Variants in ZNF362 observed in about 807,000 individuals in gnomAD.
ZNF362 encodes the protein zinc finger protein 362.
Under a neutral mutation model 42.9 loss-of-function variants are expected in ZNF362, and 11 were observed. The observed-to-expected ratio is 0.26, with a 90% CI of 0.16 to 0.42. The LOEUF (loss-of-function observed/expected upper bound fraction) is 0.42, where lower values mean the gene tolerates loss of function less well. Among genes scored for constraint, ZNF362 ranks in the 20% least tolerant of loss-of-function variants. The probability of loss-of-function intolerance (pLI) is 1.00; values close to 1 mark genes in which losing one functional copy is unlikely to be tolerated. For synonymous variants in ZNF362, 255 were observed against 257.3 expected (o/e 0.99, Z 0.09); for missense variants, 362 against 576.2 (o/e 0.63, Z 3.81).
chr1:33,133,655 C>T, the ZNF362 span, among the ~76,000 whole-genome samples: 26 of 152,308 alleles, frequency 1.7e-4, no homozygotes, highest in East Asian at 2.3e-3. Context: ...AAGCCACCCA[C>T]GTCTGGCCAA....
At chr1:33,235,058 A>T in the ZNF362 span, among the ~76,000 whole-genome samples, 1 of 152,092 alleles carries the variant, frequency 6.6e-6, no homozygotes, top group African/African-American at 2.4e-5. Context: ...GTCACCTGTG[A>T]TGGAGGCACC....
chr1:33,148,871 A>G, the ZNF362 span, among the ~76,000 whole-genome samples: 4 of 152,228 alleles, frequency 2.6e-5, no homozygotes, highest in Non-Finnish European at 5.9e-5. Context: ...GAGGGGAGAC[A>G]TGACAAACTT....
chr1:33,233,652 C>T, the ZNF362 span, among the ~76,000 whole-genome samples: 1 of 152,188 alleles, frequency 6.6e-6, no homozygotes. Context: ...GATCAGCCTG[C>T]CTCGGCCTCC....
the ZNF362 span, among the ~76,000 whole-genome samples, chr1:33,233,584 C>T: frequency 1.4e-4 from 22 of 152,050 alleles, no homozygotes; most frequent in African/African-American, 4.8e-4. Flanking sequence ...TTGTATTTTT[C>T]GTAGAGACGG....
At chr1:33,214,458 T>C in the ZNF362 span, among the ~76,000 whole-genome samples, 1 of 152,028 alleles carries the variant, frequency 6.6e-6, no homozygotes, top group South Asian at 2.1e-4. Context: ...AAATAATACC[T>C]CAAAGGCACA....
chr1:33,191,006 G>T, the ZNF362 span, among the ~76,000 whole-genome samples: 1 of 152,178 alleles, frequency 6.6e-6, no homozygotes, highest in Admixed American at 6.5e-5. Flanking sequence ...ACACTTTGGT[G>T]TTCCTCCTCA....
At chr1:33,133,717 G>A in the ZNF362 span, among the ~76,000 whole-genome samples, 1 of 152,212 alleles carries the variant, frequency 6.6e-6, no homozygotes, top group South Asian at 2.1e-4. Flanking sequence ...AGGGCAGGCT[G>A]TGCTTCTGGC....
chr1:33,225,515 G>T, the ZNF362 span, among the ~76,000 whole-genome samples: 3 of 152,122 alleles, frequency 2.0e-5, no homozygotes, highest in African/African-American at 7.2e-5. Context: ...GATGCCAGAA[G>T]CATGAGTTCC....
rs1471649546 is a variant in ZNF362 at position 33,299,554 on chromosome 1, G to A, written c.*508G>A. 1 of 154,788 alleles carries A rather than the reference G, an allele frequency of 6.5e-6. No homozygotes were observed. Among genetic ancestry groups the A allele is most frequent in the Non-Finnish European group, 1.4e-5 (1 of 69,486 alleles). The allele number at this position is 154,788 out of a possible 1,614,324, so 9.6% of individuals were successfully genotyped here. A position where few individuals can be genotyped will look rare whatever the true frequency, so the allele number is the denominator to read the frequency against. ...TTCTGGACTGCAAAGGGGACCCCCA[G>A]GTGGGAGGGGCAGGAAGCAGCCGGA... On this transcript the variant is annotated 3_prime_UTR_variant, in exon 9 of 9. Transcript: ENST00000539719.
At chr1:33,278,889 T>A (rs1448561862) in intron 4 of ZNF362, among the ~76,000 whole-genome samples, 1 of 152,256 alleles carries the variant, frequency 6.6e-6, no homozygotes, top group Non-Finnish European at 1.5e-5. Flanking sequence ...AAACAGGTTG[T>A]GTCCAATTTT....
chr1:33,159,307 C>T, the ZNF362 span, among the ~76,000 whole-genome samples: 1 of 151,968 alleles, frequency 6.6e-6, no homozygotes, highest in South Asian at 2.1e-4. The surrounding 1 kb of genome is among the most constrained non-coding windows in gnomAD (Gnocchi z 4.2). Context: ...TGATTGTAAA[C>T]ACTATTAAAT....
chr1:33,186,702 A>G, the ZNF362 span, among the ~76,000 whole-genome samples: 1 of 141,464 alleles, frequency 7.1e-6, no homozygotes, highest in African/African-American at 2.7e-5. Context: ...GCTACTTGTG[A>G]GGTTGAGGCA....
the ZNF362 span, among the ~76,000 whole-genome samples, chr1:33,185,024 A>C: frequency 6.6e-6 from 1 of 151,480 alleles, no homozygotes; most frequent in African/African-American, 2.4e-5. Context: ...CAGGTCATCC[A>C]ACCGCCTCTG....
At chr1:33,296,060 G>GC (rs1646121333) in intron 8 of ZNF362, among the ~76,000 whole-genome samples, 1 of 152,112 alleles carries the variant, frequency 6.6e-6, no homozygotes, top group Non-Finnish European at 1.5e-5. Context: ...TCTATTTTTT[G>GC]TCCCCAGGGA....
At chr1:33,190,149 T>C in the ZNF362 span, among the ~76,000 whole-genome samples, 21 of 152,212 alleles carry the variant, frequency 1.4e-4, no homozygotes, top group Non-Finnish European at 1.2e-4. Flanking sequence ...GATTTTCCAC[T>C]GTGATGGCTC....
At chr1:33,250,896 G>GAAGAAGAAGAAGAAGA in the ZNF362 span, among the ~76,000 whole-genome samples, 6 of 39,974 alleles carry the variant, frequency 1.5e-4, no homozygotes, top group Admixed American at 2.9e-4. Context: ...GAAGAAGAAG[G>GAAGAAGAAGAAGAAGA]AGAAGAAGAA....
the ZNF362 span, among the ~76,000 whole-genome samples, chr1:33,239,350 CATATACTTACTGGTACAT>C: frequency 7.9e-5 from 12 of 152,234 alleles, no homozygotes; most frequent in African/African-American, 2.9e-4. Flanking sequence ...TCCTGGTACT[CATATACTTACTGGTACAT>C]ATACTCACAT....
the ZNF362 span, among the ~76,000 whole-genome samples, chr1:33,223,026 G>A: frequency 6.6e-6 from 1 of 152,110 alleles, no homozygotes; most frequent in Non-Finnish European, 1.5e-5. Context: ...GCTGAGGTGG[G>A]TGGATCACGA....
At chr1:33,202,303 G>A in the ZNF362 span, among the ~76,000 whole-genome samples, 1 of 152,084 alleles carries the variant, frequency 6.6e-6, no homozygotes, top group Non-Finnish European at 1.5e-5. Context: ...ATATAAAGAA[G>A]ACACTGTATC....
Sources: gnomAD v4.1 joint callset for allele counts (sites outside exome capture counted in the v4.1 genomes callset) on GRCh38, gnomAD v4.1.1 for gene constraint, Gnocchi (gnomAD v3.1) non-coding constraint, MANE v1.5 for transcripts, NCBI Gene and HGNC (gene_info 2026-07-23, HGNC 2026-07-21) for gene names.